The following TIMM23B variants were observed in gnomAD, a reference collection of about 807,000 sequenced individuals.
TIMM23B encodes the protein translocase of inner mitochondrial membrane 23 homolog B, also known as mitochondrial import inner membrane translocase subunit Tim23B.
TIMM23B carries 27 observed loss-of-function variants against 27.3 expected under a neutral mutation model. The observed-to-expected ratio is 0.99, with a 90% confidence interval of 0.73 to 1.36. The LOEUF is 1.36. TIMM23B is among the 40% of genes most tolerant of loss of function. The pLI, the probability that TIMM23B is intolerant of heterozygous loss-of-function variation, is 0.00. For missense variants in TIMM23B, 205 were observed against 244.2 expected (o/e 0.84, Z 1.07); for synonymous variants, 73 against 92.4 (o/e 0.79, Z 1.21).
intron 2 of TIMM23B, among the ~76,000 whole-genome samples, chr10:49,948,758 G>C (rs1397207774): frequency 6.6e-6 from 1 of 152,190 alleles, no homozygotes; most frequent in Non-Finnish European, 1.5e-5. Flanking sequence ...GGGGGGTGAT[G>C]AAGATGCTTT....
intron 6 of TIMM23B, among the ~76,000 whole-genome samples, chr10:49,961,181 C>T (rs1427843020): frequency 8.0e-5 from 12 of 149,354 alleles, no homozygotes; most frequent in Non-Finnish European, 1.5e-5. Context: ...GTCAGGAGTT[C>T]GAGACCAGCC....
chr10:49,958,370 C>T lies in TIMM23B; in HGVS notation c.404C>T (p.Ala135Val), dbSNP rs1839791793. Reference protein sequence around the residue: ...ALWANTLGSLALLYSAFGVII... With the variant: ...ALWANTLGSLVLLYSAFGVII... ...CTGAGCACTTCCATTTCCTCTTTAG[C>T]GTTGCTCTATAGTGCATTTGGTGTC... The change falls in exon 6 of 7, where the codon GCG (alanine) becomes GTG (valine). Residue 135 changes from alanine (A) to valine (V), a missense_variant and splice_region_variant. Physicochemically the swap from Ala to Val is moderately conservative, Grantham distance 64. Transcript: ENST00000651259. The T allele has an allele frequency of 2.5e-6, 4 of 1,613,742 alleles. No individual in the cohort carries two copies. The highest frequency in any genetic ancestry group is 1.7e-5 in the Admixed American group (1 of 60,004).
Position 49,973,103 on chromosome 10 carries a change from A to G in TIMM23B, c.*39A>G. The G allele has an allele frequency of 1.3e-6, 2 of 1,522,264 alleles. No individual in the cohort carries two copies. Among genetic ancestry groups the G allele is most frequent in the Non-Finnish European group, 1.8e-6 (2 of 1,136,928 alleles). The allele number at this position is 1,522,264 out of a possible 1,614,324, so 94.3% of individuals were successfully genotyped here. On this transcript the variant is annotated 3_prime_UTR_variant, in exon 7 of 7. Transcript: ENST00000651259. ...GGTGTGTGTCAATCCCAACTGGTGA[A>G]GTACTGAGAAGAAGCTACACAAAAG...
intron 5 of TIMM23B, among the ~76,000 whole-genome samples, chr10:49,957,567 T>A (rs1188178321): frequency 6.6e-6 from 1 of 152,088 alleles, no homozygotes; most frequent in Non-Finnish European, 1.5e-5. Flanking sequence ...GGCTGGATAT[T>A]TTTAAAGGAT....
At chr10:49,972,973 G>T (rs1554856842) in intron 6 of TIMM23B, 39 bp from the exon 7 acceptor site, 1 of 1,065,794 alleles carries the variant, frequency 9.4e-7, no homozygotes, top group Non-Finnish European at 1.4e-6. Context: ...TTCATTTCTT[G>T]ATAATATGTT....
chr10:49,958,068 A>G (rs1325934279), intron 5 of TIMM23B, among the ~76,000 whole-genome samples: 38 of 152,256 alleles, frequency 2.5e-4, no homozygotes, highest in African/African-American at 8.9e-4. Flanking sequence ...TGGGGAGAAA[A>G]GGGAGCAGGT....
rs1362723202 is a variant in TIMM23B at position 49,942,206 on chromosome 10, C to A, written c.12C>A (p.Gly4=). The change falls in exon 1 of 7, where the codon GGC becomes GGA. Residue 4 remains glycine (G), a synonymous_variant. Coordinates refer to ENST00000651259, the MANE Select transcript of TIMM23B (RefSeq NM_001290117.2). Reference sequence around the variant, plus strand: ...TTTGCTGCGATACCATGGAAGGAGGCGGGGGAAGCGGCGACAAAACCACAG... The same window carrying A: ...TTTGCTGCGATACCATGGAAGGAGGAGGGGGAAGCGGCGACAAAACCACAG... The part of the protein sequence containing the change: MEG[G]GGSGDKTTGV... The A allele has an allele frequency of 6.2e-7, 1 of 1,606,344 alleles. No individual in the cohort carries two copies. The highest frequency in any genetic ancestry group is 2.2e-5 in the East Asian group (1 of 44,610).
intron 2 of TIMM23B, among the ~76,000 whole-genome samples, chr10:49,950,385 A>G (rs1413345618): frequency 2.0e-5 from 3 of 151,758 alleles, no homozygotes; most frequent in Non-Finnish European, 4.4e-5. Flanking sequence ...ACATACTTTG[A>G]TAACAGCCTT....
At chr10:49,943,261 G>A (rs1412134582) in intron 1 of TIMM23B, 19 of 151,914 alleles carry the variant, frequency 1.3e-4, no homozygotes, top group Non-Finnish European at 2.4e-4. Flanking sequence ...TGTCACCCAT[G>A]TTGGGGTGCG....
At chr10:49,959,897 C>T (rs78529149) in intron 6 of TIMM23B, among the ~76,000 whole-genome samples, 1 of 151,958 alleles carries the variant, frequency 6.6e-6, no homozygotes, top group Non-Finnish European at 1.5e-5. Context: ...TGCAGGCACA[C>T]ACCACCACAT....
intron 6 of TIMM23B, among the ~76,000 whole-genome samples, chr10:49,961,775 A>G (rs1839923630): frequency 6.8e-6 from 1 of 147,740 alleles, no homozygotes; most frequent in Non-Finnish European, 1.5e-5. Context: ...AATTTTTTTC[A>G]TTGTTTCTTT....
In TIMM23B at chr10:49,952,574, A is replaced by G. The variant is rs1330214987; in HGVS notation, c.344+41A>G. 1.9e-6 allele frequency: 3 copies of G among 1,609,434 alleles called. No individual in the cohort carries two copies. The African/African-American group carries it at 4.0e-5, about 22-fold the overall frequency. On this transcript the variant is annotated intron_variant, in intron 4 of 6. Coordinates refer to ENST00000651259, the MANE Select transcript of TIMM23B (RefSeq NM_001290117.2). ...CCATCTGATGTAGTGATACTTGAAT[A>G]TTAAGCTCTGTTGTATTGGTTTGAT...
At chr10:49,945,151 T>G in intron 2 of TIMM23B, 61 bp downstream of exon 2, 1 of 1,566,484 alleles carries the variant, frequency 6.4e-7, no homozygotes, top group Non-Finnish European at 8.8e-7. Context: ...AAACGCCAAG[T>G]GCTATGCTGA....
chr10:49,944,113 C>T (rs1432074896), intron 1 of TIMM23B, among the ~76,000 whole-genome samples: 1 of 152,160 alleles, frequency 6.6e-6, no homozygotes, highest in East Asian at 1.9e-4. Flanking sequence ...CTTGTGAAAT[C>T]AGAGAGGTAG....
intron 6 of TIMM23B, among the ~76,000 whole-genome samples, chr10:49,962,207 CTT>C (rs879018940): frequency 4.4e-4 from 63 of 143,128 alleles, no homozygotes; most frequent in Admixed American, 8.3e-4. Flanking sequence ...CTTTTTTTTG[CTT>C]TTTTTTTTTT....
chr10:49,959,377 T>C (rs1839823963), intron 6 of TIMM23B, among the ~76,000 whole-genome samples: 1 of 152,196 alleles, frequency 6.6e-6, no homozygotes, highest in Non-Finnish European at 1.5e-5. Context: ...TAGAGCATCT[T>C]ATTCCTATGA....
chr10:49,966,942 C>CT (rs140278167), intron 6 of TIMM23B, among the ~76,000 whole-genome samples: 65,372 of 151,230 alleles, frequency 0.43, 16,495 homozygotes, highest in East Asian at 0.6. Context: ...TGAGCCCTTC[C>CT]TTTTTTTTTG....
intron 6 of TIMM23B, among the ~76,000 whole-genome samples, chr10:49,960,603 A>G (rs1839864808): frequency 1.3e-5 from 2 of 151,970 alleles, no homozygotes; most frequent in South Asian, 4.2e-4. Flanking sequence ...ACTAAAATTC[A>G]GACAAGTTAA....
At chr10:49,971,362 A>G (rs1183501919) in intron 6 of TIMM23B, among the ~76,000 whole-genome samples, 2 of 151,782 alleles carry the variant, frequency 1.3e-5, no homozygotes, top group African/African-American at 4.8e-5. Flanking sequence ...CTGCAAGAAC[A>G]TCTGCCCCAG....
Sources: gnomAD v4.1 joint callset for allele counts (sites outside exome capture counted in the v4.1 genomes callset) on GRCh38, gnomAD v4.1.1 for gene constraint, MANE v1.5 for transcripts, NCBI Gene and HGNC (gene_info 2026-07-23, HGNC 2026-07-21) for gene names.